Variants in ROCK2 observed in about 807,000 individuals in gnomAD.
ROCK2 encodes rho-associated protein kinase 2.
A neutral mutation model predicts 195.1 loss-of-function variants in ROCK2; 61 were observed. The ratio of observed to expected loss-of-function variants is 0.31; its 90% CI spans 0.25 to 0.39. The LOEUF is 0.39. Among genes scored for constraint, ROCK2 ranks in the 10% least tolerant of loss-of-function variants. The pLI, the probability that ROCK2 is intolerant of heterozygous loss-of-function variation, is 1.00. For synonymous variants in ROCK2, 504 were observed against 545.5 expected (o/e 0.92, Z 1.06); for missense variants, 1,109 against 1,637.4 (o/e 0.68, Z 5.57).
intron 9 of ROCK2, among the ~76,000 whole-genome samples, chr2:11,219,665 T>C (rs1239044067): frequency 1.3e-5 from 2 of 152,132 alleles, no homozygotes; most frequent in African/African-American, 4.8e-5. Flanking sequence ...TTTCTTTTTT[T>C]AATCTGTCAC....
At chr2:11,211,905 CTAATTTT>C in intron 17 of ROCK2, 65 bp from the exon 18 acceptor site, 1 of 1,263,482 alleles carries the variant, frequency 7.9e-7, no homozygotes, top group Non-Finnish European at 1.1e-6. Context: ...CAAAAGCTTT[CTAATTTT>C]TTTTTTTTTT....
intron 3 of ROCK2, among the ~76,000 whole-genome samples, chr2:11,252,992 G>A (rs2148132432): frequency 8.4e-6 from 1 of 118,918 alleles, no homozygotes; most frequent in South Asian, 3.4e-4. Flanking sequence ...ATATTTAAAG[G>A]TAATCTGCAG....
chr2:11,314,981 C>G (rs1331694431), intron 1 of ROCK2, among the ~76,000 whole-genome samples: 2 of 151,944 alleles, frequency 1.3e-5, no homozygotes, highest in African/African-American at 4.8e-5. Flanking sequence ...ATCCAATTAT[C>G]TAAGTTCAAT....
intron 20 of ROCK2, among the ~76,000 whole-genome samples, chr2:11,204,091 T>G (rs1265153603): frequency 6.6e-6 from 1 of 152,202 alleles, no homozygotes; most frequent in Non-Finnish European, 1.5e-5. Context: ...GTCTCCTCAT[T>G]TGACACCTCT....
At chr2:11,227,485 T>C (rs1664855894) in intron 5 of ROCK2, 87 bp from the exon 6 acceptor site, 4 of 1,220,056 alleles carry the variant, frequency 3.3e-6, no homozygotes, top group Admixed American at 2.1e-5. Flanking sequence ...TTACTAGATA[T>C]ACAATGATTA....
In ROCK2 at chr2:11,307,946, G is replaced by A. The variant is rs1667914259; in HGVS notation, c.142-20210C>T. The A allele has an allele frequency of 1.7e-5, 24 of 1,447,078 alleles. 1 individual carries two copies. The South Asian group carries it at 3.3e-4, about 20-fold the overall frequency. 89.6% of individuals were successfully genotyped at this position (1,447,078 alleles called of 1,614,324 possible). A position where few individuals can be genotyped will look rare whatever the true frequency, so the allele number is the denominator to read the frequency against. On this transcript the variant is annotated intron_variant, in intron 1 of 32. Transcript: ENST00000315872. Reference sequence around the variant, plus strand: ...TCCTCCTGGCCCTGTTAATGTCAGGGCCAGGCCTGGGAAGGATGGCGCCCT... The same window carrying A: ...TCCTCCTGGCCCTGTTAATGTCAGGACCAGGCCTGGGAAGGATGGCGCCCT...
chr2:11,334,852 C>CT (rs754285742), intron 1 of ROCK2, among the ~76,000 whole-genome samples: 2 of 150,566 alleles, frequency 1.3e-5, no homozygotes, highest in Non-Finnish European at 3.0e-5. Context: ...AATAAAATGT[C>CT]TATCACTTGC....
At chr2:11,313,822 G>C (rs945853885) in intron 1 of ROCK2, among the ~76,000 whole-genome samples, 1 of 151,764 alleles carries the variant, frequency 6.6e-6, no homozygotes, top group Admixed American at 6.6e-5. Context: ...GTTATAAAGA[G>C]AGAAAATAAC....
upstream of ROCK2, among the ~76,000 whole-genome samples, chr2:11,345,204 G>T (rs986879744): frequency 1.3e-5 from 2 of 152,228 alleles, no homozygotes; most frequent in Non-Finnish European, 2.9e-5. Flanking sequence ...GCGGAGGCGG[G>T]TGGAATCCTA....
chr2:11,305,406 T>C (rs1667824713), intron 1 of ROCK2, among the ~76,000 whole-genome samples: 1 of 150,378 alleles, frequency 6.6e-6, no homozygotes, highest in South Asian at 2.1e-4. Flanking sequence ...TAAAGATGGA[T>C]ATAGAAATAT....
At chr2:11,299,004 C>T (rs778938962) in intron 1 of ROCK2, among the ~76,000 whole-genome samples, 36 of 151,940 alleles carry the variant, frequency 2.4e-4, no homozygotes, top group Non-Finnish European at 2.9e-5. Flanking sequence ...CACGGTGGCT[C>T]ACACCTGTAA....
chr2:11,236,000 C>T lies in ROCK2; in HGVS notation c.463-38G>A, dbSNP rs1407657786. 1 of 1,431,816 alleles carries T rather than the reference C, an allele frequency of 7.0e-7. No individual in the cohort carries two copies. Among genetic ancestry groups the T allele is most frequent in the African/African-American group, 1.4e-5 (1 of 69,750 alleles). The allele number at this position is 1,431,816 out of a possible 1,614,324, so 88.7% of individuals were successfully genotyped here. The stretch of plus-strand genomic sequence containing the variant: ...AGGAAAAGGAAAAATTTTTAAAAAC[C>T]CAAACCAAAAATCATAATCAGAACA... On this transcript the variant is annotated intron_variant, in intron 4 of 32. Coordinates refer to ENST00000315872, the MANE Select transcript of ROCK2 (RefSeq NM_004850.5). The surrounding 1 kb of genome is among the most constrained non-coding windows in gnomAD (Gnocchi z 4.2).
At chr2:11,224,146 TAAC>T (rs1037904148) in intron 7 of ROCK2, among the ~76,000 whole-genome samples, 173 bp downstream of exon 7, 4 of 152,140 alleles carry the variant, frequency 2.6e-5, no homozygotes, top group African/African-American at 7.2e-5. Context: ...TGTACACACA[TAAC>T]AACAAGGTAG....
intron 5 of ROCK2, among the ~76,000 whole-genome samples, chr2:11,227,853 A>G (rs953084867): frequency 6.6e-6 from 1 of 152,220 alleles, no homozygotes; most frequent in Non-Finnish European, 1.5e-5. Flanking sequence ...GAGACTGAAT[A>G]AAGAATTGGC....
intron 1 of ROCK2, among the ~76,000 whole-genome samples, chr2:11,322,324 A>G (rs760614478): frequency 1.2e-4 from 19 of 152,018 alleles, no homozygotes; most frequent in Admixed American, 1.3e-4. Context: ...TTTAAAAAGA[A>G]TAAGAAAAAA....
intron 32 of ROCK2, among the ~76,000 whole-genome samples, chr2:11,185,519 A>T (rs1176006023): frequency 6.6e-6 from 1 of 152,236 alleles, no homozygotes; most frequent in East Asian, 1.9e-4. Flanking sequence ...ACCTGAGGTG[A>T]GGAGTTCAAG....
chr2:11,325,668 T>A (rs558969587), intron 1 of ROCK2, among the ~76,000 whole-genome samples: 1 of 152,338 alleles, frequency 6.6e-6, no homozygotes, highest in South Asian at 2.1e-4. Context: ...TTAACTTTTC[T>A]CTGAATGAAT....
rs988111757 is a variant in ROCK2 at position 11,235,389 on chromosome 2, C to T, written c.723+313G>A. On this transcript the variant is annotated intron_variant, in intron 5 of 32. Coordinates refer to ENST00000315872, the MANE Select transcript of ROCK2 (RefSeq NM_004850.5). The surrounding 1 kb of genome is among the most constrained non-coding windows in gnomAD (Gnocchi z 4.2). ...ATTTACCTTAATTTAGATTTTGTGTCCTTCTTCACCTAAATTATACATATG... is the reference window on the plus strand; with the variant it reads ...ATTTACCTTAATTTAGATTTTGTGTTCTTCTTCACCTAAATTATACATATG... 3.3e-5 allele frequency among the ~76,000 whole-genome samples: 5 copies of T among 152,052 alleles called. No homozygotes were observed. Among genetic ancestry groups the T allele is most frequent in the Non-Finnish European group, 7.4e-5 (5 of 67,988 alleles).
chr2:11,277,613 G>A (rs1384076569), intron 3 of ROCK2, among the ~76,000 whole-genome samples: 2 of 152,080 alleles, frequency 1.3e-5, no homozygotes, highest in South Asian at 2.1e-4. Context: ...ACTTCACTTC[G>A]AGTAATAGTC....
Sources: allele counts gnomAD v4.1 joint callset (sites outside exome capture counted in the v4.1 genomes callset), GRCh38; gene constraint gnomAD v4.1.1; non-coding constraint Gnocchi (gnomAD v3.1); transcripts MANE v1.5; gene names NCBI Gene and HGNC (gene_info 2026-07-23, HGNC 2026-07-21).